The following TFDP2 variants were observed in gnomAD, a reference collection of about 807,000 sequenced individuals.
The protein encoded by TFDP2 is transcription factor Dp-2, also known as transcription factor Dp-2 (E2F dimerization partner 2).
Under a neutral mutation model 59.3 loss-of-function variants are expected in TFDP2, and 17 were observed. The observed-to-expected ratio is 0.29, with a 90% CI of 0.20 to 0.43. TFDP2 has a LOEUF of 0.43. Among genes scored for constraint, TFDP2 ranks in the 20% least tolerant of loss-of-function variants. TFDP2 has a pLI of 1.00. For missense variants in TFDP2, 391 were observed against 528.8 expected (o/e 0.74, Z 2.56); for synonymous variants, 180 against 194.7 (o/e 0.92, Z 0.63).
At chr3:141,987,290 TG>T (rs879515946) in intron 6 of TFDP2, among the ~76,000 whole-genome samples, 6,525 of 151,506 alleles carry the variant, frequency 0.043, 175 homozygotes, top group Middle Eastern at 0.086. Flanking sequence ...TGTGTGTGTG[TG>T]TGTGTGTTTT....
In TFDP2 at chr3:141,948,694, T is replaced by C. The variant is rs1935541944; in HGVS notation, c.*3819A>G. 2 of 152,160 alleles carry C rather than the reference T, an allele frequency of 1.3e-5. No individual in the cohort carries two copies. Among genetic ancestry groups the C allele is most frequent in the South Asian group, 4.1e-4 (2 of 4,830 alleles). The allele number at this position is 152,160 out of a possible 1,614,324, so 9.4% of individuals were successfully genotyped here. On this transcript the variant is annotated 3_prime_UTR_variant, in exon 13 of 13. Transcript: ENST00000489671. Reference sequence around the variant, plus strand: ...CTGGAGGGAGCCTAAGTCACATTTATACTTGGAGCAACTCTGCTGTCTCTA... The same window carrying C: ...CTGGAGGGAGCCTAAGTCACATTTACACTTGGAGCAACTCTGCTGTCTCTA...
At chr3:141,956,940 A>ACCCC (rs35650402) in intron 11 of TFDP2, among the ~76,000 whole-genome samples, 3 of 137,736 alleles carry the variant, frequency 2.2e-5, no homozygotes, top group Non-Finnish European at 1.6e-5. Context: ...ACCCTGCCCC[A>ACCCC]CCCCCCCCAC....
intron 2 of TFDP2, among the ~76,000 whole-genome samples, chr3:142,099,021 A>C (rs181918514): frequency 6.6e-6 from 1 of 152,252 alleles, no homozygotes; most frequent in Admixed American, 6.5e-5. Flanking sequence ...GTAACTCTTC[A>C]CAAAAAAACT....
chr3:141,973,093 GTA>G (rs1553761666), intron 8 of TFDP2, among the ~76,000 whole-genome samples: 12,847 of 102,910 alleles, frequency 0.12, 886 homozygotes, highest in African/African-American at 0.17. Context: ...AAAGCTATGT[GTA>G]TATATATATA....
intron 3 of TFDP2, among the ~76,000 whole-genome samples, chr3:142,038,189 C>T (rs1327503242): frequency 6.6e-6 from 1 of 151,956 alleles, no homozygotes; most frequent in Non-Finnish European, 1.5e-5. Context: ...TTGAGACCAT[C>T]CTGGCTAACA....
chr3:142,038,593 T>C (rs1946808196), intron 3 of TFDP2, among the ~76,000 whole-genome samples: 1 of 152,092 alleles, frequency 6.6e-6, no homozygotes, highest in Non-Finnish European at 1.5e-5. Flanking sequence ...ATGTCCAAAA[T>C]ACTGCACATG....
At chr3:142,070,066 C>A (rs561661755) in intron 3 of TFDP2, among the ~76,000 whole-genome samples, 2 of 147,930 alleles carry the variant, frequency 1.4e-5, no homozygotes, top group Admixed American at 6.7e-5. Context: ...CCACCACGCC[C>A]AGCTAATTTT....
At position 141,952,540 on chromosome 3, in the gene TFDP2, A is replaced by G. The variant is rs1936039177; in HGVS notation, c.1314T>C (p.Asp438=). 1 of 1,553,348 alleles carries G rather than the reference A, an allele frequency of 6.4e-7. No individual in the cohort carries two copies. The highest frequency in any genetic ancestry group is 8.6e-7 in the Non-Finnish European group (1 of 1,159,280). Residue 438 remains aspartate (D), a synonymous_variant, in exon 13 of 13, where the codon GAT becomes GAC. Transcript: ENST00000489671. Reference sequence around the variant, plus strand: ...ATTCTGGGGAGGAGGAATCCTCCTCATCATCTTCCTCATCTTCATCATTGA... The same window carrying G: ...ATTCTGGGGAGGAGGAATCCTCCTCGTCATCTTCCTCATCTTCATCATTGA... The part of the protein sequence containing the change: ...CSFNDEDEED[D]EEDSSSPE
intron 3 of TFDP2, among the ~76,000 whole-genome samples, chr3:142,068,285 T>C (rs1469430058): frequency 6.6e-6 from 1 of 152,086 alleles, no homozygotes; most frequent in Non-Finnish European, 1.5e-5. Flanking sequence ...CCAAAATGGA[T>C]TCTAGACTTA....
intron 3 of TFDP2, among the ~76,000 whole-genome samples, chr3:142,014,497 C>T (rs575248091): frequency 1.6e-4 from 24 of 152,040 alleles, no homozygotes; most frequent in Non-Finnish European, 2.9e-4. Flanking sequence ...TGCTGAAGTC[C>T]CAGAACACTA....
chr3:142,139,263 G>T (rs1261799045), intron 1 of TFDP2, among the ~76,000 whole-genome samples: 3 of 152,050 alleles, frequency 2.0e-5, no homozygotes, highest in African/African-American at 7.2e-5. Flanking sequence ...GTGTGTCTCT[G>T]CATGTGAGAT....
intron 3 of TFDP2, among the ~76,000 whole-genome samples, chr3:142,062,644 G>T (rs1475231699): frequency 6.6e-6 from 1 of 151,956 alleles, no homozygotes; most frequent in African/African-American, 2.4e-5. Flanking sequence ...AATCCTAGGT[G>T]TATGCCCTGT....
intron 8 of TFDP2, among the ~76,000 whole-genome samples, chr3:141,973,123 A>ATATATATATATATATATATATATTTTTTT: frequency 1.7e-5 from 1 of 58,026 alleles, no homozygotes; most frequent in Non-Finnish European, 3.7e-5. Context: ...ATATATATAT[A>ATATATATATATATATATATATATTTTTTT]TTTTTTTTTT....
chr3:141,954,118 C>T (rs1028851113), intron 11 of TFDP2, among the ~76,000 whole-genome samples: 1 of 150,986 alleles, frequency 6.6e-6, no homozygotes, highest in Non-Finnish European at 1.5e-5. Flanking sequence ...TGAGATTGCA[C>T]CACTGCACTC....
At position 141,952,297 on chromosome 3, in the gene TFDP2, T is replaced by A; in HGVS notation, c.*216A>T. The A allele has an allele frequency of 2.3e-6, 1 of 440,034 alleles. No individual in the cohort carries two copies. The highest frequency in any genetic ancestry group is 3.9e-6 in the Non-Finnish European group (1 of 255,380). The allele number at this position is 440,034 out of a possible 1,614,324, so 27.3% of individuals were successfully genotyped here. On this transcript the variant is annotated 3_prime_UTR_variant, in exon 13 of 13. Coordinates refer to ENST00000489671, the MANE Select transcript of TFDP2 (RefSeq NM_001178139.2). ...AAAGCATGCTTTCTTTGTTATATCA[T>A]CTACTGCTCTGTTGGCCAGACTTTC...
At chr3:142,018,798 G>A (rs532603082) in intron 3 of TFDP2, among the ~76,000 whole-genome samples, 29 of 152,172 alleles carry the variant, frequency 1.9e-4, no homozygotes, top group African/African-American at 6.5e-4. Flanking sequence ...ATTAAGTATA[G>A]TAACTCATTT....
At chr3:142,100,723 C>T (rs1479877211) in intron 2 of TFDP2, among the ~76,000 whole-genome samples, 1 of 151,252 alleles carries the variant, frequency 6.6e-6, no homozygotes, top group Non-Finnish European at 1.5e-5. Context: ...GGTCCCCTAA[C>T]ATATAGATGG....
At chr3:141,989,376 G>C (rs1038718091) in intron 6 of TFDP2, 2 of 152,254 alleles carry the variant, frequency 1.3e-5, no homozygotes, top group Non-Finnish European at 2.9e-5. Flanking sequence ...CAGACAAGCA[G>C]GCAGCCAGTC....
intron 3 of TFDP2, among the ~76,000 whole-genome samples, chr3:142,047,497 C>G (rs1947399713): frequency 6.6e-6 from 1 of 152,048 alleles, no homozygotes; most frequent in African/African-American, 2.4e-5. Flanking sequence ...CACCCCCTGT[C>G]CCCCTATTTT....
Sources: allele counts gnomAD v4.1 joint callset (sites outside exome capture counted in the v4.1 genomes callset), GRCh38; gene constraint gnomAD v4.1.1; transcripts MANE v1.5; gene names NCBI Gene and HGNC (gene_info 2026-07-23, HGNC 2026-07-21).